Variants in ACTR3C observed in about 807,000 individuals in gnomAD.
The protein encoded by ACTR3C is actin-related protein 3C.
In ACTR3C, 18 loss-of-function variants were observed where a neutral mutation model predicts 26.3. That is an observed-to-expected ratio of 0.68 (90% confidence interval 0.47 to 1.01). The LOEUF (loss-of-function observed/expected upper bound fraction) is 1.01. Ranked by LOEUF, ACTR3C falls within the 50% of genes least tolerant of loss-of-function variation. The pLI is 0.00. For missense variants in ACTR3C, 184 were observed against 250.7 expected (o/e 0.73, Z 1.80); for synonymous variants, 55 against 94.5 (o/e 0.58, Z 2.42).
At chr7:150,307,086 T>TTTA (rs1435425015) in intron 1 of ACTR3C, among the ~76,000 whole-genome samples, 34 of 152,236 alleles carry the variant, frequency 2.2e-4, no homozygotes, top group African/African-American at 7.2e-4. Context: ...TTTGAAAAGA[T>TTTA]TTATTCTGAG....
At chr7:150,256,869 A>G (rs184247958) in intron 6 of ACTR3C, among the ~76,000 whole-genome samples, 17 of 152,380 alleles carry the variant, frequency 1.1e-4, no homozygotes, top group Admixed American at 6.5e-4. Context: ...ACAGCAAAAT[A>G]CACAGGCTTC....
At chr7:150,224,881 T>C in the ACTR3C span, among the ~76,000 whole-genome samples, 3 of 152,292 alleles carry the variant, frequency 2.0e-5, 1 homozygote, top group African/African-American at 7.2e-5. Context: ...GGTTTATGAA[T>C]ATTTGTATGA....
chr7:150,048,602 G>A, the ACTR3C span, among the ~76,000 whole-genome samples: 1 of 151,882 alleles, frequency 6.6e-6, no homozygotes, highest in Non-Finnish European at 1.5e-5. Flanking sequence ...GAGGCAGGCA[G>A]GCCGGCCAGG....
the ACTR3C span, among the ~76,000 whole-genome samples, chr7:150,237,369 T>G: frequency 6.6e-6 from 1 of 152,160 alleles, no homozygotes; most frequent in African/African-American, 2.4e-5. Context: ...CCTGGGGGTT[T>G]CATGGAATTT....
the ACTR3C span, among the ~76,000 whole-genome samples, chr7:149,898,780 T>C: frequency 9.2e-3 from 1,401 of 152,176 alleles, 36 homozygotes; most frequent in African/African-American, 0.032. Flanking sequence ...CAAAGTATAC[T>C]TCTTTTAACA....
At chr7:150,157,632 T>A in the ACTR3C span, among the ~76,000 whole-genome samples, 1 of 150,424 alleles carries the variant, frequency 6.6e-6, no homozygotes, top group Admixed American at 6.6e-5. Flanking sequence ...ATTTCCTGAG[T>A]TCCACCAACA....
the ACTR3C span, among the ~76,000 whole-genome samples, chr7:149,927,121 G>A: frequency 6.6e-6 from 1 of 151,690 alleles, no homozygotes; most frequent in African/African-American, 2.4e-5. Context: ...TCAAGTCAGT[G>A]TACAGGTATG....
the ACTR3C span, among the ~76,000 whole-genome samples, chr7:150,012,472 GC>G: frequency 6.7e-6 from 1 of 150,286 alleles, no homozygotes; most frequent in Non-Finnish European, 1.5e-5. Context: ...CCACCACCAT[GC>G]CCGGCTAATT....
At chr7:150,253,884 G>A (rs1335712607) in intron 6 of ACTR3C, among the ~76,000 whole-genome samples, 1 of 150,916 alleles carries the variant, frequency 6.6e-6, no homozygotes, top group South Asian at 2.1e-4. Flanking sequence ...GCTGTTGCAG[G>A]GTTGCTAAGT....
At chr7:150,040,017 C>A in the ACTR3C span, among the ~76,000 whole-genome samples, 2 of 111,742 alleles carry the variant, frequency 1.8e-5, no homozygotes, top group Non-Finnish European at 3.8e-5. Context: ...AAGAGCCAGG[C>A]GGGGAAGAGG....
chr7:149,891,405 CCTT>C, the ACTR3C span: 9 of 1,258,256 alleles, frequency 7.2e-6, no homozygotes, highest in African/African-American at 5.9e-5. Context: ...ATAAAGGTCT[CCTT>C]CTCATTGCAG....
chr7:149,905,007 CAA>C, the ACTR3C span, among the ~76,000 whole-genome samples: 1 of 151,480 alleles, frequency 6.6e-6, no homozygotes, highest in Non-Finnish European at 1.5e-5. Context: ...GCCTGGGCAA[CAA>C]GAGCGAAACT....
chr7:150,313,602 G>T (rs932623776), intron 1 of ACTR3C, among the ~76,000 whole-genome samples: 2 of 152,162 alleles, frequency 1.3e-5, no homozygotes, highest in Non-Finnish European at 2.9e-5. Context: ...GTACAGTGAG[G>T]CATATCCAAC....
chr7:149,886,544 G>A, the ACTR3C span, among the ~76,000 whole-genome samples: 2 of 152,180 alleles, frequency 1.3e-5, no homozygotes, highest in East Asian at 1.9e-4. Context: ...AAAAGTCTAA[G>A]ATAAAGATAC....
chr7:150,035,942 G>A, the ACTR3C span, among the ~76,000 whole-genome samples: 13 of 137,364 alleles, frequency 9.5e-5, 4 homozygotes, highest in African/African-American at 1.3e-4. Context: ...TGCGATGGGG[G>A]TCCTCAGAGC....
At chr7:150,252,845 C>T (rs988616563) in intron 6 of ACTR3C, among the ~76,000 whole-genome samples, 107 of 152,096 alleles carry the variant, frequency 7.0e-4, no homozygotes, top group African/African-American at 2.1e-3. Context: ...TAAAATAATG[C>T]CTGTGTGTTT....
the ACTR3C span, among the ~76,000 whole-genome samples, chr7:150,144,447 T>G: frequency 1.3e-5 from 2 of 152,152 alleles, no homozygotes; most frequent in Admixed American, 1.3e-4. This position sits in a 1 kb window ranked among gnomAD's most constrained non-coding sequence, Gnocchi z 4.6. Context: ...CTGGAAATAT[T>G]TCTGGCTGGG....
the ACTR3C span, among the ~76,000 whole-genome samples, chr7:149,907,474 TCTCTTCTCTCTCTCTC>T: frequency 8.7e-5 from 7 of 80,744 alleles, no homozygotes; most frequent in East Asian, 3.0e-3. Flanking sequence ...TTGCCTCTCT[TCTCTTCTCTCTCTCTC>T]TCTCTCTCTC....
At chr7:150,242,645 G>A (rs1435982250), downstream of ACTR3C, among the ~76,000 whole-genome samples, 1 of 152,216 alleles carries the variant, frequency 6.6e-6, no homozygotes, top group African/African-American at 2.4e-5. Context: ...TGTGTAGTAT[G>A]ATCTGATGTA....
Sources: gnomAD v4.1 joint callset for allele counts (sites outside exome capture counted in the v4.1 genomes callset) on GRCh38, gnomAD v4.1.1 for gene constraint, Gnocchi (gnomAD v3.1) non-coding constraint, MANE v1.5 for transcripts, NCBI Gene and HGNC (gene_info 2026-07-23, HGNC 2026-07-21) for gene names.